The following TBC1D16 variants were observed in gnomAD, a reference collection of about 807,000 sequenced individuals.
TBC1D16 encodes the protein TBC1 domain family member 16.
In TBC1D16, 58 loss-of-function variants were observed where a neutral mutation model predicts 74.7. That is an observed-to-expected ratio of 0.78 (90% CI 0.63 to 0.97). The LOEUF (loss-of-function observed/expected upper bound fraction) is 0.97, where lower values mean the gene tolerates loss of function less well. TBC1D16 is among the 50% of genes least tolerant of loss of function. The probability of loss-of-function intolerance (pLI) is 0.00; values close to 1 mark genes in which losing one functional copy is unlikely to be tolerated. For synonymous variants in TBC1D16, 493 were observed against 474.7 expected, an observed-to-expected ratio of 1.04 and a Z score of -0.50; for missense variants, 1,014 against 1,079.5, an observed-to-expected ratio of 0.94 and a Z score of 0.85.
chr17:79,995,794 A>C (rs2035254293), intron 3 of TBC1D16, among the ~76,000 whole-genome samples: 1 of 152,132 alleles, frequency 6.6e-6, no homozygotes. Flanking sequence ...CAAAAACAAA[A>C]AAAAAGAAAA....
At chr17:80,017,752 G>A (rs2036143769) in intron 1 of TBC1D16, among the ~76,000 whole-genome samples, 1 of 151,662 alleles carries the variant, frequency 6.6e-6, no homozygotes, top group Non-Finnish European at 1.5e-5. Flanking sequence ...GTGGAAGGCT[G>A]GCTTTGGCCT....
Position 79,941,985 on chromosome 17 carries a change from C to G in TBC1D16, c.2055+75G>C. The G allele has an allele frequency of 7.4e-7, 1 of 1,343,162 alleles. No homozygotes were observed. Among genetic ancestry groups the G allele is most frequent in the Non-Finnish European group, 9.7e-7 (1 of 1,028,538 alleles). 83.2% of individuals were successfully genotyped at this position (1,343,162 alleles called of 1,614,324 possible). ...GGGCCCACATCTGGGGCAGCCTCAC[C>G]TTTCTGAGAACGAGCTGGTGGGGTG... On this transcript the variant is annotated intron_variant, in intron 11 of 11. Coordinates refer to ENST00000310924, the MANE Select transcript of TBC1D16 (RefSeq NM_019020.4). The surrounding 1 kb of genome is among the most constrained non-coding windows in gnomAD (Gnocchi z 4.3).
intron 1 of TBC1D16, among the ~76,000 whole-genome samples, chr17:80,034,804 C>G (rs1273108201): frequency 1.3e-5 from 2 of 152,226 alleles, no homozygotes; most frequent in Middle Eastern, 3.2e-3. Context: ...GGAATGGAAT[C>G]TCCAGCCCCC....
intron 5 of TBC1D16, 126 bp downstream of exon 5, chr17:79,951,324 G>T: frequency 8.3e-7 from 1 of 1,197,740 alleles, no homozygotes; most frequent in African/African-American, 1.5e-5. Flanking sequence ...AAAAACTACC[G>T]TGGGTCACAC....
rs2034845899 is a variant in TBC1D16 at position 79,986,629 on chromosome 17, C to T, written c.779+23531G>A. On this transcript the variant is annotated intron_variant, in intron 3 of 11. Transcript: ENST00000310924. This position sits in a 1 kb window ranked among gnomAD's most constrained non-coding sequence, Gnocchi z 6.0. ...GGGTATGTCTGCCCTGACAGAGTGA[C>T]CAGTACCCGCAGCACCCGAGTTCTT... Among the ~76,000 whole-genome samples the T allele has an allele frequency of 6.6e-6, 1 of 152,166 alleles. No individual in the cohort carries two copies. The highest frequency in any genetic ancestry group is 2.4e-5 in the African/African-American group (1 of 41,432).
At chr17:80,028,535 G>C (rs1020423340) in intron 1 of TBC1D16, among the ~76,000 whole-genome samples, 1 of 144,388 alleles carries the variant, frequency 6.9e-6, no homozygotes, top group Non-Finnish European at 1.5e-5. Context: ...TCTCAAAAAA[G>C]AAAAAGAAAA....
At chr17:80,023,369 G>A (rs117058203) in intron 1 of TBC1D16, among the ~76,000 whole-genome samples, 3,862 of 147,120 alleles carry the variant, frequency 0.026, 114 homozygotes, top group Middle Eastern at 0.062. Flanking sequence ...GACAGTACCC[G>A]GGCAGCCACA....
chr17:79,972,511 A>G (rs1028351933), intron 3 of TBC1D16, among the ~76,000 whole-genome samples: 2 of 152,216 alleles, frequency 1.3e-5, no homozygotes, highest in African/African-American at 4.8e-5. Flanking sequence ...CACAGGCTAC[A>G]GCATGAATGA....
chr17:80,026,895 G>A (rs147443753), intron 1 of TBC1D16, among the ~76,000 whole-genome samples: 4 of 149,322 alleles, frequency 2.7e-5, no homozygotes, highest in Admixed American at 6.6e-5. Flanking sequence ...TCCCTTCTGC[G>A]GGCCTGGGGC....
rs1185843012 is a variant in TBC1D16 at position 80,001,347 on chromosome 17, A to T, written c.779+8813T>A. On this transcript the variant is annotated intron_variant, in intron 3 of 11. Transcript: ENST00000310924. This position sits in a 1 kb window ranked among gnomAD's most constrained non-coding sequence, Gnocchi z 5.8. ...ACAAGACGAGATTAGTCTGAACGACACACAGAACAGATTGCAGGGTGTCGG... is the reference window on the plus strand; with the variant it reads ...ACAAGACGAGATTAGTCTGAACGACTCACAGAACAGATTGCAGGGTGTCGG... 6.6e-6 allele frequency among the ~76,000 whole-genome samples: 1 copy of T among 152,238 alleles called. No homozygotes were observed. The highest frequency in any genetic ancestry group is 2.4e-5 in the African/African-American group (1 of 41,470).
intron 3 of TBC1D16, among the ~76,000 whole-genome samples, chr17:79,976,179 C>T (rs1255290630): frequency 6.6e-6 from 1 of 152,218 alleles, no homozygotes; most frequent in South Asian, 2.1e-4. Context: ...AAAGCTTATG[C>T]AAGAGCCCTG....
At chr17:79,946,520 G>A (rs1486840653) in intron 9 of TBC1D16, among the ~76,000 whole-genome samples, 2 of 152,210 alleles carry the variant, frequency 1.3e-5, no homozygotes, top group African/African-American at 4.8e-5. Flanking sequence ...TCCGTGGCCT[G>A]GGGCTGGGGA....
chr17:79,953,380 C>T (rs1214729864), intron 3 of TBC1D16, among the ~76,000 whole-genome samples: 4 of 152,354 alleles, frequency 2.6e-5, no homozygotes, highest in African/African-American at 9.6e-5. Context: ...ACATCATCAG[C>T]ATTTATTAAA....
chr17:79,972,356 TA>T (rs1232098103), intron 3 of TBC1D16, among the ~76,000 whole-genome samples: 1 of 152,070 alleles, frequency 6.6e-6, no homozygotes, highest in Non-Finnish European at 1.5e-5. Flanking sequence ...TTTGTATTTT[TA>T]GTAGAGACAG....
At chr17:80,021,113 A>T (rs2036267480) in intron 1 of TBC1D16, among the ~76,000 whole-genome samples, 1 of 149,910 alleles carries the variant, frequency 6.7e-6, no homozygotes, top group Non-Finnish European at 1.5e-5. Context: ...TTAGACAGGC[A>T]TGGTGGTGCA....
chr17:79,950,487 T>C lies in TBC1D16; in HGVS notation c.1181A>G (p.Lys394Arg), dbSNP rs1431802473. ...SETHPEESMY[K>R]RLGVSAWLNH... ...GAGCCAGGCGGAGACGCCGAGCCTCTTGTACATGCTCTCCTCGGGGTGCGT... is the reference window on the plus strand; with the variant it reads ...GAGCCAGGCGGAGACGCCGAGCCTCCTGTACATGCTCTCCTCGGGGTGCGT... The change falls in exon 6 of 12, where the codon AAG becomes AGG. Residue 394 changes from lysine to arginine, a missense_variant. Transcript: ENST00000310924. This position sits in a 1 kb window ranked among gnomAD's most constrained non-coding sequence, Gnocchi z 4.6. The C allele has an allele frequency of 6.2e-7, 1 of 1,613,136 alleles. No individual in the cohort carries two copies. The highest frequency in any genetic ancestry group is 8.5e-7 in the Non-Finnish European group (1 of 1,179,870).
intron 1 of TBC1D16, among the ~76,000 whole-genome samples, chr17:80,017,422 C>T (rs750363538): frequency 2.8e-4 from 42 of 152,236 alleles, no homozygotes; most frequent in Admixed American, 5.9e-4. Context: ...TGGCTCACGC[C>T]TGTAATCTTG....
intron 1 of TBC1D16, among the ~76,000 whole-genome samples, chr17:80,018,217 T>TCCAATCTA (rs1568642184): frequency 6.6e-6 from 1 of 150,526 alleles, no homozygotes; most frequent in African/African-American, 2.5e-5. Flanking sequence ...TTAATAATTT[T>TCCAATCTA]TAGCATAATA....
intron 3 of TBC1D16, among the ~76,000 whole-genome samples, chr17:80,006,276 G>A (rs540903961): frequency 2.6e-5 from 4 of 151,616 alleles, no homozygotes; most frequent in African/African-American, 4.8e-5. Flanking sequence ...GGTTCTCAAC[G>A]CTACGTGCAC....
Sources: allele counts gnomAD v4.1 joint callset (sites outside exome capture counted in the v4.1 genomes callset), GRCh38; gene constraint gnomAD v4.1.1; non-coding constraint Gnocchi (gnomAD v3.1); transcripts MANE v1.5; gene names NCBI Gene and HGNC (gene_info 2026-07-23, HGNC 2026-07-21).